KLF12: variants seen among roughly 807,000 people sequenced by gnomAD.
KLF12 encodes KLF transcription factor 12.
A neutral mutation model predicts 37.8 loss-of-function variants in KLF12; 9 were observed. The ratio of observed to expected loss-of-function variants is 0.24; its 90% CI spans 0.14 to 0.42. The LOEUF (loss-of-function observed/expected upper bound fraction) is 0.42, where lower values mean the gene tolerates loss of function less well. Among genes scored for constraint, KLF12 ranks in the 10% least tolerant of loss-of-function variants. KLF12 has a pLI of 1.00. For missense variants in KLF12, 411 were observed against 516.0 expected, an observed-to-expected ratio of 0.80 and a Z score of 1.97; for synonymous variants, 208 against 202.1, an observed-to-expected ratio of 1.03 and a Z score of -0.25.
At chr13:74,167,494 C>T in the KLF12 span, among the ~76,000 whole-genome samples, 1 of 152,106 alleles carries the variant, frequency 6.6e-6, no homozygotes, top group African/African-American at 2.4e-5. Flanking sequence ...TCTACTTTCC[C>T]ACCTCCTCTC....
chr13:74,225,889 A>T, the KLF12 span, among the ~76,000 whole-genome samples: 1 of 152,152 alleles, frequency 6.6e-6, no homozygotes, highest in Non-Finnish European at 1.5e-5. Context: ...TAGCATATGC[A>T]ATGGTCAGGG....
intron 3 of KLF12, among the ~76,000 whole-genome samples, chr13:73,942,285 T>C (rs947879237): frequency 3.9e-5 from 6 of 152,184 alleles, no homozygotes; most frequent in Admixed American, 2.0e-4. Context: ...TTTGAACAGA[T>C]TGTTATTTCA....
chr13:74,278,492 A>G, the KLF12 span, among the ~76,000 whole-genome samples: 1 of 152,180 alleles, frequency 6.6e-6, no homozygotes, highest in Non-Finnish European at 1.5e-5. Flanking sequence ...CTGTCAGCCT[A>G]GGTTTTGCAT....
At chr13:74,178,127 C>G in the KLF12 span, among the ~76,000 whole-genome samples, 6,123 of 152,220 alleles carry the variant, frequency 0.04, 393 homozygotes, top group African/African-American at 0.14. Flanking sequence ...TAAATGTATG[C>G]TTTTGCCTTA....
chr13:73,951,394 G>A (rs552127904), intron 2 of KLF12, among the ~76,000 whole-genome samples: 1 of 152,250 alleles, frequency 6.6e-6, no homozygotes, highest in African/African-American at 2.4e-5. Flanking sequence ...AAAGTTTGGA[G>A]AGATTATATA....
intron 7 of KLF12, among the ~76,000 whole-genome samples, chr13:73,707,504 G>C (rs933616414): frequency 3.3e-5 from 5 of 152,090 alleles, no homozygotes; most frequent in African/African-American, 1.2e-4. Context: ...AACAACTTAC[G>C]GGGAGAGGAT....
At chr13:74,037,744 A>AT (rs1461224563) in intron 1 of KLF12, among the ~76,000 whole-genome samples, 2 of 152,128 alleles carry the variant, frequency 1.3e-5, no homozygotes, top group African/African-American at 4.8e-5. Flanking sequence ...CTTTAAGATA[A>AT]TTTTTTTAAA....
At chr13:74,084,942 T>G (rs1875174193) in intron 1 of KLF12, among the ~76,000 whole-genome samples, 1 of 152,174 alleles carries the variant, frequency 6.6e-6, no homozygotes, top group African/African-American at 2.4e-5. Context: ...GTTTTGTTGG[T>G]TTTTTTAAAA....
At chr13:74,043,740 T>C (rs17219984) in intron 1 of KLF12, among the ~76,000 whole-genome samples, 10,805 of 152,308 alleles carry the variant, frequency 0.071, 510 homozygotes, top group Non-Finnish European at 0.1. Flanking sequence ...AATATTTATG[T>C]GTTCAATCAA....
At chr13:74,009,306 G>A (rs1892488943) in intron 1 of KLF12, among the ~76,000 whole-genome samples, 1 of 152,150 alleles carries the variant, frequency 6.6e-6, no homozygotes, top group African/African-American at 2.4e-5. Context: ...CATAAATCAG[G>A]TTATGTGTCA....
intron 7 of KLF12, among the ~76,000 whole-genome samples, chr13:73,710,380 GT>G (rs1875286311): frequency 4.7e-5 from 1 of 21,174 alleles, no homozygotes; most frequent in African/African-American, 1.8e-4. Flanking sequence ...GATATTGTCT[GT>G]GTGTGTGTGT....
intron 4 of KLF12, among the ~76,000 whole-genome samples, chr13:73,831,931 G>C (rs7998795): frequency 6.6e-6 from 1 of 152,168 alleles, no homozygotes; most frequent in Admixed American, 6.5e-5. Context: ...TAAAAATAAC[G>C]ATTGAGAAAT....
intron 7 of KLF12, among the ~76,000 whole-genome samples, chr13:73,713,695 G>C (rs140811158): frequency 1.5e-4 from 23 of 152,256 alleles, no homozygotes; most frequent in Non-Finnish European, 3.1e-4. Context: ...CTGCTCTCAT[G>C]GTGTATGTTA....
intron 4 of KLF12, among the ~76,000 whole-genome samples, chr13:73,843,838 A>G (rs1002072744): frequency 6.6e-6 from 1 of 152,218 alleles, no homozygotes; most frequent in Non-Finnish European, 1.5e-5. Context: ...TATTCTTGAT[A>G]TGAGAAAACT....
the KLF12 span, among the ~76,000 whole-genome samples, chr13:74,246,657 C>T: frequency 3.3e-5 from 5 of 152,200 alleles, no homozygotes; most frequent in East Asian, 1.9e-4. Context: ...TCTCCAGAAA[C>T]ACCGGACAGA....
intron 1 of KLF12, among the ~76,000 whole-genome samples, chr13:74,071,497 T>A (rs984808810): frequency 6.7e-6 from 1 of 149,984 alleles, no homozygotes; most frequent in Non-Finnish European, 1.5e-5. Context: ...CCATCCTGGC[T>A]AACACAGTGA....
chr13:73,798,916 T>A (rs577144423), intron 5 of KLF12, among the ~76,000 whole-genome samples: 1 of 152,180 alleles, frequency 6.6e-6, no homozygotes, highest in Non-Finnish European at 1.5e-5. Context: ...ACTGGGTGTA[T>A]ACCGAAAGGA....
chr13:73,988,277 G>C (rs892636451), intron 2 of KLF12, among the ~76,000 whole-genome samples: 2 of 152,162 alleles, frequency 1.3e-5, no homozygotes, highest in African/African-American at 4.8e-5. Context: ...GGCAACTCAA[G>C]GTCTAGCTCA....
At chr13:73,785,705 A>T (rs1157877708) in intron 5 of KLF12, among the ~76,000 whole-genome samples, 2 of 151,986 alleles carry the variant, frequency 1.3e-5, no homozygotes, top group Non-Finnish European at 1.5e-5. Flanking sequence ...AGTCAATAAC[A>T]CTTAGAGAGT....
Sources: gnomAD v4.1 joint callset for allele counts (sites outside exome capture counted in the v4.1 genomes callset) on GRCh38, gnomAD v4.1.1 for gene constraint, MANE v1.5 for transcripts, NCBI Gene and HGNC (gene_info 2026-07-23, HGNC 2026-07-21) for gene names.